Variants in SFMBT2 observed in about 807,000 individuals in gnomAD.
The protein encoded by SFMBT2 is scm-like with four MBT domains protein 2.
SFMBT2 carries 38 observed loss-of-function variants against 110.1 expected under a neutral mutation model. The ratio of observed to expected loss-of-function variants is 0.35; its 90% CI spans 0.27 to 0.45. The LOEUF is 0.45. Among genes scored for constraint, SFMBT2 ranks in the 20% least tolerant of loss-of-function variants. SFMBT2 has a pLI of 1.00. For missense variants in SFMBT2, 1,011 were observed against 1,094.9 expected (o/e 0.92, Z 1.08); for synonymous variants, 425 against 425.4 (o/e 1.00, Z 0.01).
At chr10:7,292,545 A>T (rs1426296459) in intron 4 of SFMBT2, among the ~76,000 whole-genome samples, 1 of 152,250 alleles carries the variant, frequency 6.6e-6, no homozygotes, top group Non-Finnish European at 1.5e-5. Flanking sequence ...AACCCAGATG[A>T]AGATATAACT....
chr10:7,382,752 G>A (rs1162331836), intron 1 of SFMBT2, among the ~76,000 whole-genome samples: 7 of 152,320 alleles, frequency 4.6e-5, no homozygotes, highest in Non-Finnish European at 8.8e-5. Context: ...TTAAAGTATC[G>A]ATGTTTGTCA....
At chr10:7,264,790 G>A (rs906889930) in intron 7 of SFMBT2, among the ~76,000 whole-genome samples, 6 of 152,116 alleles carry the variant, frequency 3.9e-5, no homozygotes, top group South Asian at 2.1e-4. Context: ...GATGCCAACC[G>A]TATCCCCAGA....
At chr10:7,236,057 A>G (rs1229952993) in intron 9 of SFMBT2, among the ~76,000 whole-genome samples, 4 of 152,164 alleles carry the variant, frequency 2.6e-5, no homozygotes, top group African/African-American at 4.8e-5. Flanking sequence ...TTAGAAAGGT[A>G]GCTAGATATG....
At chr10:7,390,016 T>G (rs1845723848) in intron 1 of SFMBT2, among the ~76,000 whole-genome samples, 1 of 152,194 alleles carries the variant, frequency 6.6e-6, no homozygotes, top group South Asian at 2.1e-4. Flanking sequence ...GATATTACTC[T>G]TCAACTAGCC....
At chr10:7,194,188 A>T (rs1838695644) in intron 15 of SFMBT2, among the ~76,000 whole-genome samples, 1 of 152,116 alleles carries the variant, frequency 6.6e-6, no homozygotes. Context: ...TCAGTGGACC[A>T]TTGAGTGACT....
At chr10:7,244,058 G>GA (rs1840527402) in intron 8 of SFMBT2, 2 of 905,204 alleles carry the variant, frequency 2.2e-6, no homozygotes, top group African/African-American at 3.6e-5. Context: ...GACAGGAACT[G>GA]AAAAGTGAAA....
At chr10:7,356,790 G>A (rs902200107) in intron 4 of SFMBT2, among the ~76,000 whole-genome samples, 2 of 152,166 alleles carry the variant, frequency 1.3e-5, no homozygotes, top group South Asian at 4.1e-4. Context: ...AAAATCTCTT[G>A]TAAGTAATCC....
At chr10:7,203,669 G>C in intron 12 of SFMBT2, 1 of 984,738 alleles carries the variant, frequency 1.0e-6, no homozygotes. Context: ...CACTCAGGTT[G>C]GGGAGAATCT....
At chr10:7,333,628 G>A (rs1843628019) in intron 4 of SFMBT2, among the ~76,000 whole-genome samples, 1 of 151,742 alleles carries the variant, frequency 6.6e-6, no homozygotes, top group South Asian at 2.1e-4. Context: ...ACATACTGGA[G>A]ACTGGGTAAT....
chr10:7,190,299 G>A (rs76768285), intron 15 of SFMBT2, among the ~76,000 whole-genome samples: 116 of 152,344 alleles, frequency 7.6e-4, no homozygotes, highest in African/African-American at 2.7e-3. Context: ...AGTACTGACT[G>A]CAATAACGCA....
intron 14 of SFMBT2, chr10:7,198,018 C>T (rs1289611335): frequency 1.0e-6 from 1 of 985,294 alleles, no homozygotes; most frequent in African/African-American, 1.7e-5. Flanking sequence ...TTAATGATAC[C>T]TTGGAAATTC....
chr10:7,168,531 T>C (rs1355330372), intron 20 of SFMBT2, among the ~76,000 whole-genome samples: 1 of 152,236 alleles, frequency 6.6e-6, no homozygotes, highest in Non-Finnish European at 1.5e-5. Context: ...ACACAGGGAC[T>C]GACAGATACG....
intron 4 of SFMBT2, among the ~76,000 whole-genome samples, chr10:7,352,492 T>A (rs1392731941): frequency 6.6e-6 from 1 of 152,116 alleles, no homozygotes; most frequent in East Asian, 1.9e-4. Flanking sequence ...CTGGTTAATT[T>A]TTTTTTTCTT....
intron 17 of SFMBT2, among the ~76,000 whole-genome samples, chr10:7,174,816 G>T (rs1480471988): frequency 6.6e-6 from 1 of 152,220 alleles, no homozygotes; most frequent in Non-Finnish European, 1.5e-5. Flanking sequence ...CCGGAACCAG[G>T]TGACCTGCTG....
chr10:7,212,350 A>T (rs1234373743), intron 11 of SFMBT2, among the ~76,000 whole-genome samples: 1 of 152,198 alleles, frequency 6.6e-6, no homozygotes, highest in Non-Finnish European at 1.5e-5. Flanking sequence ...TCTTCCTCAG[A>T]TCTACTCAGC....
intron 1 of SFMBT2, among the ~76,000 whole-genome samples, chr10:7,387,312 T>C (rs1012936128): frequency 1.3e-5 from 2 of 152,216 alleles, no homozygotes; most frequent in Non-Finnish European, 2.9e-5. Context: ...TAAGTGCTGA[T>C]ACCATGCAGT....
At chr10:7,232,327 G>A (rs1840128111) in intron 9 of SFMBT2, among the ~76,000 whole-genome samples, 1 of 151,990 alleles carries the variant, frequency 6.6e-6, no homozygotes, top group African/African-American at 2.4e-5. Context: ...CCTACCCTTT[G>A]ACGCAACCAT....
At chr10:7,184,883 C>T (rs182719031) in intron 16 of SFMBT2, among the ~76,000 whole-genome samples, 1 of 152,276 alleles carries the variant, frequency 6.6e-6, no homozygotes, top group East Asian at 1.9e-4. Flanking sequence ...GCTTTACAAG[C>T]TGTGGGAAAG....
chr10:7,407,333 C>T (rs1211247475), intron 1 of SFMBT2, among the ~76,000 whole-genome samples: 2 of 152,100 alleles, frequency 1.3e-5, no homozygotes, highest in Admixed American at 1.3e-4. Flanking sequence ...GGTTCTTTCC[C>T]TTGGTGTAGA....
Sources: gnomAD v4.1 joint callset for allele counts (sites outside exome capture counted in the v4.1 genomes callset) on GRCh38, gnomAD v4.1.1 for gene constraint, MANE v1.5 for transcripts, NCBI Gene and HGNC (gene_info 2026-07-23, HGNC 2026-07-21) for gene names.